GTF3C1: variants seen among roughly 807,000 people sequenced by gnomAD.
The protein encoded by GTF3C1 is general transcription factor 3C polypeptide 1.
A neutral mutation model predicts 226.7 loss-of-function variants in GTF3C1; 57 were observed. The observed-to-expected ratio is 0.25, with a 90% CI of 0.20 to 0.31. The LOEUF is 0.31. Among genes scored for constraint, GTF3C1 ranks in the 10% least tolerant of loss-of-function variants. The pLI, the probability that GTF3C1 is intolerant of heterozygous loss-of-function variation, is 1.00. For synonymous variants in GTF3C1, 1,090 were observed against 1,084.8 expected, an observed-to-expected ratio of 1.00 and a Z score of -0.09; for missense variants, 2,217 against 2,776.1, an observed-to-expected ratio of 0.80 and a Z score of 4.53.
chr16:27,547,409 T>C (rs984105203), intron 1 of GTF3C1, among the ~76,000 whole-genome samples: 1 of 152,158 alleles, frequency 6.6e-6, no homozygotes, highest in Non-Finnish European at 1.5e-5. Context: ...GTCACATGTC[T>C]CTTCAGCAAA....
At chr16:27,524,038 C>G (rs1164968369) in intron 6 of GTF3C1, among the ~76,000 whole-genome samples, 18 of 152,162 alleles carry the variant, frequency 1.2e-4, no homozygotes, top group Non-Finnish European at 1.5e-5. Context: ...CAGCTCCAGG[C>G]CTCAAGATGA....
Position 27,484,307 on chromosome 16 carries a change from T to C in GTF3C1, c.3905A>G (p.His1302Arg), listed in dbSNP as rs1440486505. ...VTWQVVRDIL[H>R]ATFEESLDKT... The stretch of plus-strand genomic sequence containing the variant: ...ATCCAAAGACTCTTCAAACGTGGCA[T>C]GCAAAATGTCCCGTACCACCTGCCA... The change falls in exon 25 of 37, where the codon CAT becomes CGT. Residue 1302 changes from histidine (H) to arginine (R), a missense_variant. Around this residue, in one of 12 missense-constraint regions of GTF3C1, gnomAD observed 546 missense variants for 663.0 expected, o/e 0.82. Coordinates refer to ENST00000356183, the MANE Select transcript of GTF3C1 (RefSeq NM_001520.4). The C allele has an allele frequency of 2.5e-6, 4 of 1,608,730 alleles. No individual in the cohort carries two copies. Among genetic ancestry groups the C allele is most frequent in the Admixed American group, 1.7e-5 (1 of 60,012 alleles).
intron 7 of GTF3C1, 127 bp from the exon 8 acceptor site, chr16:27,508,782 G>T: frequency 1.5e-6 from 1 of 672,812 alleles, no homozygotes; most frequent in African/African-American, 1.8e-5. Flanking sequence ...CAAAACATAC[G>T]CCATTTCTCT....
chr16:27,514,359 G>A (rs1025719048), intron 6 of GTF3C1, among the ~76,000 whole-genome samples: 1 of 152,190 alleles, frequency 6.6e-6, no homozygotes, highest in African/African-American at 2.4e-5. Context: ...AAGCAATCAG[G>A]AGGGGAAGTA....
intron 4 of GTF3C1, 83 bp downstream of exon 4, chr16:27,537,700 AC>A: frequency 2.1e-6 from 2 of 948,396 alleles, no homozygotes; most frequent in Non-Finnish European, 3.3e-6. Context: ...GAGCCACTGT[AC>A]CCAGCTGCCC....
intron 4 of GTF3C1, among the ~76,000 whole-genome samples, chr16:27,535,455 G>C (rs1452650369): frequency 1.6e-4 from 25 of 152,048 alleles, no homozygotes. Flanking sequence ...CATGCTTATA[G>C]TACCAGCTAC....
rs532328127 is a variant in GTF3C1, at chr16:27,536,139, A to T, written c.752+1645T>A. Among the ~76,000 whole-genome samples, 3 of 152,332 alleles carry T rather than the reference A, an allele frequency of 2.0e-5. No homozygotes were observed. In the South Asian group the frequency reaches 6.2e-4, roughly 32 times the overall value. ...AAATACAGTACAGTGTTGTAAACGT[A>T]TTTTCTTAATAACATTTTCTTTTCT... On this transcript the variant is annotated intron_variant, in intron 4 of 36. Coordinates refer to ENST00000356183, the MANE Select transcript of GTF3C1 (RefSeq NM_001520.4).
chr16:27,516,260 G>T (rs1360151901), intron 6 of GTF3C1, among the ~76,000 whole-genome samples: 1 of 152,228 alleles, frequency 6.6e-6, no homozygotes, highest in Non-Finnish European at 1.5e-5. Flanking sequence ...TGGCCATGGA[G>T]GCTGAGGGCG....
intron 6 of GTF3C1, among the ~76,000 whole-genome samples, chr16:27,526,503 A>G (rs1459642890): frequency 2.0e-5 from 3 of 152,224 alleles, no homozygotes; most frequent in African/African-American, 7.2e-5. Flanking sequence ...CACACAGACC[A>G]TTAACCAATT....
Position 27,483,078 on chromosome 16 carries a change from A to T in GTF3C1, c.4049T>A (p.Phe1350Tyr). 6 of 1,614,186 alleles carry T rather than the reference A, an allele frequency of 3.7e-6. No individual in the cohort carries two copies. The highest frequency in any genetic ancestry group is 5.1e-6 in the Non-Finnish European group (6 of 1,180,032). Residue 1350 changes from phenylalanine to tyrosine, a missense_variant, in exon 26 of 37, where the codon TTC becomes TAC. Phe to Tyr is a conservative substitution (Grantham distance 22). This residue lies in a region of GTF3C1 where 546 missense variants were observed against 663.0 expected (regional missense o/e 0.82). Coordinates refer to ENST00000356183, the MANE Select transcript of GTF3C1 (RefSeq NM_001520.4). The stretch of plus-strand genomic sequence containing the variant: ...ATCATAGTCACCTCTTCGATTCATG[A>T]AATCTCCAACAAGTGCTTTATCCTG... Reference protein sequence around the residue: ...VYQDKALVGDFMNRRGDYDDP... With the variant: ...VYQDKALVGDYMNRRGDYDDP...
At chr16:27,465,098 G>A (rs537010542) in intron 33 of GTF3C1, among the ~76,000 whole-genome samples, 162 bp downstream of exon 33, 2 of 152,332 alleles carry the variant, frequency 1.3e-5, no homozygotes, top group South Asian at 2.1e-4. Context: ...CCCTCAAAGC[G>A]GATGTGAAAT....
At chr16:27,538,115 T>C in intron 3 of GTF3C1, 65 bp downstream of exon 3, 5 of 1,283,592 alleles carry the variant, frequency 3.9e-6, no homozygotes, top group Non-Finnish European at 5.4e-6. Context: ...AGCAGGCCCC[T>C]GCATTTGGGA....
At chr16:27,475,501 G>A (rs1278224897) in intron 29 of GTF3C1, among the ~76,000 whole-genome samples, 2 of 152,232 alleles carry the variant, frequency 1.3e-5, no homozygotes, top group Admixed American at 6.5e-5. Flanking sequence ...GGGGGAGAAC[G>A]AGGCCCTGGG....
chr16:27,469,071 C>T lies in GTF3C1; in HGVS notation c.5074+220G>A, dbSNP rs1346805686. Among the ~76,000 whole-genome samples the T allele has an allele frequency of 5.9e-5, 9 of 152,322 alleles. No individual in the cohort carries two copies. The highest frequency in any genetic ancestry group is 3.9e-4 in the East Asian group (2 of 5,192). On this transcript the variant is annotated intron_variant, in intron 32 of 36. Transcript: ENST00000356183. This position sits in a 1 kb window ranked among gnomAD's most constrained non-coding sequence, Gnocchi z 4.5. Reference sequence around the variant, plus strand: ...GCAGCACAGCTGTGACTAAAAGAGGCGGTGCGGGGAGCTTTCCCACAGAGG... The same window carrying T: ...GCAGCACAGCTGTGACTAAAAGAGGTGGTGCGGGGAGCTTTCCCACAGAGG...
At position 27,463,324 on chromosome 16, in the gene GTF3C1, C is replaced by G. The variant is rs2087732464; in HGVS notation, c.5924+217G>C. 3.4e-6 allele frequency: 2 copies of G among 592,542 alleles called. No homozygotes were observed. Among genetic ancestry groups the G allele is most frequent in the Non-Finnish European group, 6.0e-6 (2 of 334,448 alleles). The allele number at this position is 592,542 out of a possible 1,614,324, so 36.7% of individuals were successfully genotyped here. On this transcript the variant is annotated intron_variant, in intron 35 of 36. Coordinates refer to ENST00000356183, the MANE Select transcript of GTF3C1 (RefSeq NM_001520.4). The surrounding 1 kb of genome is among the most constrained non-coding windows in gnomAD (Gnocchi z 4.9). ...GCCCTGGGCATTCTGGAAGCGCAGC[C>G]CTCATTCCAGGCCGACCTGGGCACT...
Position 27,471,973 on chromosome 16 carries a change from G to C in GTF3C1, c.4354-53C>G, listed in dbSNP as rs2087878040. 4 of 1,530,970 alleles carry C rather than the reference G, an allele frequency of 2.6e-6. No homozygotes were observed. Among genetic ancestry groups the C allele is most frequent in the Non-Finnish European group, 1.8e-6 (2 of 1,106,818 alleles). 94.8% of individuals were successfully genotyped at this position (1,530,970 alleles called of 1,614,324 possible). ...AGGGTTCTCCAGCCGGCCACGGAGAGGGCTGGGGTATGTGGAGGCAGAGGC... is the reference window on the plus strand; with the variant it reads ...AGGGTTCTCCAGCCGGCCACGGAGACGGCTGGGGTATGTGGAGGCAGAGGC... On this transcript the variant is annotated intron_variant, in intron 29 of 36. Coordinates refer to ENST00000356183, the MANE Select transcript of GTF3C1 (RefSeq NM_001520.4). The surrounding 1 kb of genome is among the most constrained non-coding windows in gnomAD (Gnocchi z 5.0).
intron 1 of GTF3C1, among the ~76,000 whole-genome samples, chr16:27,547,589 T>C (rs1373078355): frequency 1.3e-5 from 2 of 152,158 alleles, no homozygotes; most frequent in East Asian, 1.9e-4. Context: ...ACTAGATTAC[T>C]AAAAATCTCT....
At chr16:27,549,182 C>G (rs1402725757) in intron 1 of GTF3C1, among the ~76,000 whole-genome samples, 3 of 151,948 alleles carry the variant, frequency 2.0e-5, no homozygotes, top group African/African-American at 7.3e-5. Flanking sequence ...AGAACAGCAC[C>G]TCACCCATGA....
chr16:27,547,434 C>A (rs561867180), intron 1 of GTF3C1, among the ~76,000 whole-genome samples: 1 of 152,208 alleles, frequency 6.6e-6, no homozygotes, highest in East Asian at 1.9e-4. Context: ...CCACCTCCCC[C>A]AGACTCAACC....
Sources: gnomAD v4.1 joint callset for allele counts (sites outside exome capture counted in the v4.1 genomes callset) on GRCh38, gnomAD v4.1.1 for gene constraint, gnomAD v4.1.1 regional missense constraint, Gnocchi (gnomAD v3.1) non-coding constraint, MANE v1.5 for transcripts, NCBI Gene and HGNC (gene_info 2026-07-23, HGNC 2026-07-21) for gene names.